Variants in PCDH15 observed in about 807,000 individuals in gnomAD.
PCDH15 encodes the protein protocadherin-15.
In PCDH15, 129 loss-of-function variants were observed where a neutral mutation model predicts 178.5. The ratio of observed to expected loss-of-function variants is 0.72; its 90% confidence interval spans 0.63 to 0.84. PCDH15 has a LOEUF of 0.84. Among genes scored for constraint, PCDH15 ranks in the 40% least tolerant of loss-of-function variants. The probability of loss-of-function intolerance (pLI) is 0.00; values close to 1 mark genes in which losing one functional copy is unlikely to be tolerated. For missense variants in PCDH15, 2,230 were observed against 2,099.9 expected, an observed-to-expected ratio of 1.06 and a Z score of -1.21; for synonymous variants, 800 against 732.0, an observed-to-expected ratio of 1.09 and a Z score of -1.50.
intron 14 of PCDH15, among the ~76,000 whole-genome samples, chr10:54,147,467 C>T (rs1468218896): frequency 1.3e-5 from 2 of 151,408 alleles, no homozygotes; most frequent in Non-Finnish European, 3.0e-5. Context: ...ATATATTATC[C>T]AGGAAAATCA....
intron 2 of PCDH15, among the ~76,000 whole-genome samples, chr10:54,611,468 T>C (rs1418493036): frequency 1.3e-5 from 2 of 151,830 alleles, no homozygotes; most frequent in Non-Finnish European, 2.9e-5. Context: ...AGTTTATTCA[T>C]ATCTAGGGAG....
intron 2 of PCDH15, among the ~76,000 whole-genome samples, chr10:55,422,104 TAACA>T (rs1452452942): frequency 3.3e-5 from 5 of 149,344 alleles, no homozygotes; most frequent in African/African-American, 1.0e-4. Context: ...CCATACACAT[TAACA>T]GTCACTCTCT....
In PCDH15 at chr10:55,621,580, T is replaced by C. The variant is rs73263402; in HGVS notation, c.-156+6045A>G. ...GATTCACATAGGACCAGGAACCCTA[T>C]GGTTAGCTGCGCATGTGAGGGATAT... On this transcript the variant is annotated intron_variant, in intron 2 of 5. Coordinates refer to the PCDH15 transcript ENST00000613346. Among the ~76,000 whole-genome samples, 990 of 152,274 alleles carry C rather than the reference T, an allele frequency of 6.5e-3. 15 individuals are homozygous for C. The highest frequency in any genetic ancestry group is 0.023 in the African/African-American group (938 of 41,548).
At chr10:54,620,642 G>A (rs1481469372) in intron 2 of PCDH15, among the ~76,000 whole-genome samples, 1 of 152,016 alleles carries the variant, frequency 6.6e-6, no homozygotes, top group African/African-American at 2.4e-5. Flanking sequence ...AGATACCACT[G>A]AGAAAGTTAG....
intron 1 of PCDH15, among the ~76,000 whole-genome samples, chr10:54,692,729 T>C (rs569426191): frequency 2.8e-4 from 1 of 3,518 alleles, no homozygotes; most frequent in South Asian, 6.3e-3. Flanking sequence ...CTCAAAATAA[T>C]AAGCTCATCA....
intron 3 of PCDH15, among the ~76,000 whole-genome samples, chr10:54,842,610 A>G (rs1405162406): frequency 6.6e-6 from 1 of 151,954 alleles, no homozygotes; most frequent in Non-Finnish European, 1.5e-5. Context: ...ACAACTATAT[A>G]TAAAGTCAAA....
At chr10:55,624,371 C>T (rs759075472) in intron 2 of PCDH15, among the ~76,000 whole-genome samples, 10 of 151,546 alleles carry the variant, frequency 6.6e-5, no homozygotes, top group South Asian at 2.1e-4. Flanking sequence ...TTAGAGAGGA[C>T]GTTTCATTAA....
At chr10:55,305,129 T>C (rs16907228) in intron 1 of PCDH15, among the ~76,000 whole-genome samples, 4,179 of 152,286 alleles carry the variant, frequency 0.027, 61 homozygotes, top group East Asian at 0.043. Flanking sequence ...GTGAACATTC[T>C]GATCTATCTA....
chr10:54,251,746 ATTG>A (rs1349694467), intron 8 of PCDH15, among the ~76,000 whole-genome samples: 4 of 152,128 alleles, frequency 2.6e-5, no homozygotes, highest in African/African-American at 9.6e-5. Context: ...ATTTGTTATT[ATTG>A]TTTAGAGTCG....
rs572361804 is a variant in PCDH15 at position 55,626,795 on chromosome 10, T to G, written c.-156+830A>C. On this transcript the variant is annotated intron_variant, in intron 2 of 5. Transcript: ENST00000613346. ...CCCAAGATACTAGTTCAGTCATCCTTCAAATTACCTCACAACTAAAAAGGA... is the reference window on the plus strand; with the variant it reads ...CCCAAGATACTAGTTCAGTCATCCTGCAAATTACCTCACAACTAAAAAGGA... Among the ~76,000 whole-genome samples, 9 of 152,308 alleles carry G rather than the reference T, an allele frequency of 5.9e-5. No homozygotes were observed. In the South Asian group the frequency reaches 1.9e-3, roughly 32 times the overall value.
At chr10:54,295,916 G>A (rs964283846) in intron 8 of PCDH15, among the ~76,000 whole-genome samples, 28 of 150,932 alleles carry the variant, frequency 1.9e-4, no homozygotes, top group East Asian at 3.9e-4. Context: ...AGGCCGAGGC[G>A]GGCGGATCAC....
rs10535301 is a variant in PCDH15, at chr10:55,098,895, T to TGAGAGAGAGAGAGA, written c.-80+67667_-80+67680dup. On this transcript the variant is annotated intron_variant, in intron 2 of 5. Transcript: ENST00000458638. ...ATGTGTTCTTTCATTAAAACTTCAA[T>TGAGAGAGAGAGAGA]GAGAGAGAGAGAGAGAGAGAGAGAG... is the stretch of plus-strand genomic sequence containing the variant. Among the ~76,000 whole-genome samples, 861 of 120,188 alleles carry TGAGAGAGAGAGAGA rather than the reference T, an allele frequency of 7.2e-3. 23 individuals carry two copies. Among genetic ancestry groups the TGAGAGAGAGAGAGA allele is most frequent in the Middle Eastern group, 0.017 (4 of 238 alleles). The allele number at this position is 120,188 out of a possible 152,430, so 78.8% of individuals were successfully genotyped here.
At chr10:53,919,008 C>T (rs1002061836) in intron 25 of PCDH15, among the ~76,000 whole-genome samples, 1 of 152,084 alleles carries the variant, frequency 6.6e-6, no homozygotes, top group South Asian at 2.1e-4. Context: ...TTTCATCAGT[C>T]GAATCTAGCA....
chr10:54,264,401 A>G (rs781624827), intron 8 of PCDH15, among the ~76,000 whole-genome samples: 5 of 152,168 alleles, frequency 3.3e-5, no homozygotes, highest in Admixed American at 1.3e-4. Context: ...AGCTCCCTAG[A>G]AAAGGATCCT....
chr10:54,366,415 T>A (rs946084853), intron 5 of PCDH15, among the ~76,000 whole-genome samples: 1 of 152,046 alleles, frequency 6.6e-6, no homozygotes. Context: ...TTGCACAGAA[T>A]AAAACTCATT....
At chr10:55,373,930 G>A (rs951998821) in intron 2 of PCDH15, among the ~76,000 whole-genome samples, 3 of 150,360 alleles carry the variant, frequency 2.0e-5, no homozygotes, top group African/African-American at 4.9e-5. Flanking sequence ...ATCACACACC[G>A]AGGCCGGTGG....
chr10:54,555,736 CAAAAA>C (rs869032040), intron 2 of PCDH15, among the ~76,000 whole-genome samples: 2 of 73,398 alleles, frequency 2.7e-5, no homozygotes, highest in Non-Finnish European at 5.3e-5. Context: ...GACTCTGTCT[CAAAAA>C]AAAAAAAAAA....
chr10:55,518,839 T>C (rs1018550354), intron 2 of PCDH15, among the ~76,000 whole-genome samples: 3 of 151,828 alleles, frequency 2.0e-5, no homozygotes, highest in African/African-American at 7.3e-5. Context: ...CTCATGCCTA[T>C]AATTTAGCAC....
chr10:55,228,124 G>A (rs983916324), intron 1 of PCDH15, among the ~76,000 whole-genome samples: 1 of 152,002 alleles, frequency 6.6e-6, no homozygotes, highest in South Asian at 2.1e-4. Context: ...AATATAGCTT[G>A]CTAATGAGGG....
Sources: gnomAD v4.1 joint callset for allele counts (sites outside exome capture counted in the v4.1 genomes callset) on GRCh38, gnomAD v4.1.1 for gene constraint, MANE v1.5 for transcripts, NCBI Gene and HGNC (gene_info 2026-07-23, HGNC 2026-07-21) for gene names.